EBF2: variants seen among roughly 807,000 people sequenced by gnomAD.
EBF2 encodes the protein transcription factor COE2.
A neutral mutation model predicts 72.8 loss-of-function variants in EBF2; 21 were observed. That is an observed-to-expected ratio of 0.29 (90% confidence interval 0.20 to 0.42). EBF2 has a LOEUF of 0.42. EBF2 is among the 10% of genes least tolerant of loss of function. The pLI is 1.00. For missense variants in EBF2, 637 were observed against 731.2 expected, an observed-to-expected ratio of 0.87 and a Z score of 1.49; for synonymous variants, 299 against 274.2, an observed-to-expected ratio of 1.09 and a Z score of -0.89.
intron 6 of EBF2, among the ~76,000 whole-genome samples, chr8:26,003,999 G>A (rs1804786274): frequency 6.6e-6 from 1 of 152,058 alleles, no homozygotes; most frequent in Non-Finnish European, 1.5e-5. Flanking sequence ...GTCTCATTAG[G>A]AGAGGCGTTG....
chr8:26,011,764 AC>A (rs1468693544), intron 6 of EBF2, among the ~76,000 whole-genome samples: 1 of 151,722 alleles, frequency 6.6e-6, no homozygotes, highest in Non-Finnish European at 1.5e-5. Context: ...TGATTCTCCA[AC>A]TGTCAGCAGT....
intron 6 of EBF2, among the ~76,000 whole-genome samples, chr8:26,023,982 A>G (rs1012355662): frequency 6.6e-6 from 1 of 152,164 alleles, no homozygotes; most frequent in Non-Finnish European, 1.5e-5. Context: ...ATCCTTCTAC[A>G]TCTTCCATCG....
At chr8:25,987,218 AC>A (rs1377586437) in intron 6 of EBF2, among the ~76,000 whole-genome samples, 5 of 152,248 alleles carry the variant, frequency 3.3e-5, no homozygotes, top group Non-Finnish European at 7.3e-5. Flanking sequence ...ATAATATGAT[AC>A]ATATATGAAC....
At chr8:25,908,901 G>A (rs978426216) in intron 6 of EBF2, among the ~76,000 whole-genome samples, 8 of 152,112 alleles carry the variant, frequency 5.3e-5, no homozygotes, top group Non-Finnish European at 1.0e-4. Flanking sequence ...TGTACAGAAA[G>A]TCTTGCTCCA....
At chr8:26,038,830 G>C (rs1280532523) in intron 5 of EBF2, among the ~76,000 whole-genome samples, 1 of 152,230 alleles carries the variant, frequency 6.6e-6, no homozygotes, top group African/African-American at 2.4e-5. Context: ...AAACAAACAT[G>C]TCTGATTGTT....
chr8:25,893,195 T>C (rs185867691), intron 7 of EBF2, among the ~76,000 whole-genome samples: 29 of 151,894 alleles, frequency 1.9e-4, no homozygotes, highest in Non-Finnish European at 4.4e-5. Context: ...GAATGCATTT[T>C]CAAAGACATA....
At chr8:25,858,643 A>G (rs1422773653) in intron 13 of EBF2, 139 bp from the exon 14 acceptor site, 3 of 440,544 alleles carry the variant, frequency 6.8e-6, no homozygotes, top group Middle Eastern at 6.3e-4. Flanking sequence ...TGTGCAGTCC[A>G]TCTTTAGCTT....
intron 10 of EBF2, among the ~76,000 whole-genome samples, chr8:25,870,298 T>C (rs1802412603): frequency 6.6e-6 from 1 of 152,138 alleles, no homozygotes; most frequent in Non-Finnish European, 1.5e-5. Context: ...GTGCAGATTT[T>C]CGTAGAGAAA....
intron 6 of EBF2, among the ~76,000 whole-genome samples, chr8:25,937,128 A>G (rs1803592889): frequency 6.6e-6 from 1 of 152,264 alleles, no homozygotes; most frequent in Non-Finnish European, 1.5e-5. Context: ...AGAAGGTATA[A>G]GAATCCACCT....
intron 10 of EBF2, among the ~76,000 whole-genome samples, chr8:25,872,614 A>G (rs1224309010): frequency 6.6e-6 from 1 of 152,162 alleles, no homozygotes; most frequent in African/African-American, 2.4e-5. Context: ...TCCTAACTCT[A>G]AATTCCAACT....
At chr8:26,033,280 G>A in intron 5 of EBF2, 127 bp from the exon 6 acceptor site, 1 of 836,582 alleles carries the variant, frequency 1.2e-6, no homozygotes, top group Non-Finnish European at 1.9e-6. Flanking sequence ...GTAGTACAAT[G>A]GCTTGATGCC....
intron 6 of EBF2, among the ~76,000 whole-genome samples, chr8:25,950,324 C>T (rs1803840333): frequency 2.6e-5 from 4 of 152,232 alleles, no homozygotes; most frequent in African/African-American, 9.6e-5. Flanking sequence ...GATTTACACA[C>T]TTTTATTAAA....
At chr8:25,869,758 T>C (rs1319629353) in intron 10 of EBF2, among the ~76,000 whole-genome samples, 1 of 152,180 alleles carries the variant, frequency 6.6e-6, no homozygotes, top group African/African-American at 2.4e-5. Flanking sequence ...TAATATGCAA[T>C]AGTGAAAATC....
At chr8:25,858,019 G>A (rs1332924852) in intron 14 of EBF2, 6 of 530,410 alleles carry the variant, frequency 1.1e-5, no homozygotes, top group East Asian at 4.7e-5. Flanking sequence ...CACACATATT[G>A]TTAACAGAAA....
intron 6 of EBF2, among the ~76,000 whole-genome samples, chr8:25,918,096 A>G (rs1222949072): frequency 6.6e-6 from 1 of 152,198 alleles, no homozygotes; most frequent in Non-Finnish European, 1.5e-5. Context: ...ACTTTCCCTG[A>G]ACTAAGGCAG....
intron 6 of EBF2, among the ~76,000 whole-genome samples, chr8:25,974,750 C>G (rs545345463): frequency 1.3e-5 from 2 of 152,240 alleles, no homozygotes; most frequent in Admixed American, 1.3e-4. Context: ...CCCCCTGCCC[C>G]CCCATCCTAC....
At chr8:26,005,856 A>G (rs924933160) in intron 6 of EBF2, among the ~76,000 whole-genome samples, 6 of 150,886 alleles carry the variant, frequency 4.0e-5, no homozygotes, top group African/African-American at 1.2e-4. Flanking sequence ...AGATTTTAAA[A>G]TGATAGAAAG....
At chr8:25,934,985 A>C (rs1303430203) in intron 6 of EBF2, among the ~76,000 whole-genome samples, 1 of 152,170 alleles carries the variant, frequency 6.6e-6, no homozygotes, top group Admixed American at 6.5e-5. Context: ...CATTAGCTTC[A>C]GCCACAGGAC....
At chr8:25,913,431 C>T (rs1482198573) in intron 6 of EBF2, among the ~76,000 whole-genome samples, 1 of 151,804 alleles carries the variant, frequency 6.6e-6, no homozygotes, top group African/African-American at 2.4e-5. Flanking sequence ...CAAAGTGAGA[C>T]CCCGTCAGAA....
Sources: gnomAD v4.1 joint callset for allele counts (sites outside exome capture counted in the v4.1 genomes callset) on GRCh38, gnomAD v4.1.1 for gene constraint, MANE v1.5 for transcripts, NCBI Gene and HGNC (gene_info 2026-07-23, HGNC 2026-07-21) for gene names.